The following LRP5 variants were observed in gnomAD, a reference collection of about 807,000 sequenced individuals.
The protein encoded by LRP5 is LDL receptor related protein 5, also known as low-density lipoprotein receptor-related protein 5.
In LRP5, 62 loss-of-function variants were observed where a neutral mutation model predicts 154.1. The ratio of observed to expected loss-of-function variants is 0.40; its 90% CI spans 0.33 to 0.50. The LOEUF (loss-of-function observed/expected upper bound fraction) is 0.50, where lower values mean the gene tolerates loss of function less well. LRP5 is among the 20% of genes least tolerant of loss of function. The pLI, the probability that LRP5 is intolerant of heterozygous loss-of-function variation, is 0.55. For missense variants in LRP5, 1,915 were observed against 2,336.7 expected (o/e 0.82, Z 3.72); for synonymous variants, 966 against 1,011.5 (o/e 0.96, Z 0.85).
intron 2 of LRP5, among the ~76,000 whole-genome samples, chr11:68,356,006 A>AT (rs965327967): frequency 4.2e-4 from 61 of 146,764 alleles, no homozygotes; most frequent in Middle Eastern, 3.5e-3. Flanking sequence ...TGCCCGGCTA[A>AT]TTTTTTTTTT....
chr11:68,387,373 C>A (rs554859267), intron 6 of LRP5, among the ~76,000 whole-genome samples: 2 of 152,140 alleles, frequency 1.3e-5, no homozygotes, highest in South Asian at 4.2e-4. Flanking sequence ...CCTCAGCCTC[C>A]CAAAGTGCTG....
rs576462333 is a variant in LRP5, at chr11:68,341,059, C to CTTTTTTTTTTTTTTTTTTTTTTTTT, written c.92-6769_92-6768insTTTTTTTTTTTTTTTTTTTTTTTTT. ...GTTACCCCTGCCGCTGGAGATTGTTCTTTTTTTTTTTTTTTTTTTGCTATT... is the reference window on the plus strand; with the variant it reads ...GTTACCCCTGCCGCTGGAGATTGTTCTTTTTTTTTTTTTTTTTTTTTTTTTTTTTTTTTTTTTTTTTTTTGCTATT... On this transcript the variant is annotated intron_variant, in intron 1 of 22. Coordinates refer to ENST00000294304, the MANE Select transcript of LRP5 (RefSeq NM_002335.4). Among the ~76,000 whole-genome samples the CTTTTTTTTTTTTTTTTTTTTTTTTT allele has an allele frequency of 9.6e-5, 8 of 83,476 alleles. 1 individual carries two copies. The highest frequency in any genetic ancestry group is 1.9e-4 in the African/African-American group (4 of 21,020). The allele number at this position is 83,476 out of a possible 152,430, so 54.8% of individuals were successfully genotyped here. A position where few individuals can be genotyped will look rare whatever the true frequency, so the allele number is the denominator to read the frequency against.
intron 1 of LRP5, among the ~76,000 whole-genome samples, chr11:68,330,442 T>C (rs1386230049): frequency 6.6e-6 from 1 of 152,184 alleles, no homozygotes; most frequent in Non-Finnish European, 1.5e-5. Flanking sequence ...AAGAGGCGAT[T>C]TGCTTCTGGT....
Position 68,433,853 on chromosome 11 carries a change from G to A in LRP5, c.4000+15G>A, listed in dbSNP as rs563578294. The stretch of plus-strand genomic sequence containing the variant: ...GGACTGTGACGGTGAGGCCCTCCCC[G>A]TCAAGGCTCTGCCAAGACCCTGGCC... On this transcript the variant is annotated intron_variant, in intron 18 of 22. Transcript: ENST00000294304. 160 of 1,608,058 alleles carry A rather than the reference G, an allele frequency of 9.9e-5. 1 individual carries two copies. The highest frequency in any genetic ancestry group is 4.6e-4 in the South Asian group (42 of 90,592).
rs2098589338 is a variant in LRP5 at position 68,312,771 on chromosome 11, G to A, written c.57G>A (p.Leu19=). The A allele has an allele frequency of 3.7e-6, 4 of 1,095,104 alleles. No homozygotes were observed. Among genetic ancestry groups the A allele is most frequent in the South Asian group, 2.6e-5 (1 of 38,668 alleles). 67.8% of individuals were successfully genotyped at this position (1,095,104 alleles called of 1,614,324 possible). ...CGCTGCTGCTGCTGCTGCTGCTGCT[G>A]CTGGCGCTGTGCGGCTGCCCGGCCC... ...PWPLLLLLLL[L]LALCGCPAPA... is the part of the protein sequence containing the mutation. The change falls in exon 1 of 23, where the codon CTG becomes CTA. Residue 19 remains leucine, a synonymous_variant. Coordinates refer to ENST00000294304, the MANE Select transcript of LRP5 (RefSeq NM_002335.4).
In LRP5 at chr11:68,348,168, A is replaced by G. The variant is rs371729974; in HGVS notation, c.413A>G (p.Asn138Ser). The stretch of plus-strand genomic sequence containing the variant: ...AACCGCATCGAGGTGGCCAACCTCA[A>G]TGGCACATCCCGGAAGGTGCTCTTC... ...ETNRIEVANLNGTSRKVLFWQ... is the reference protein window; with the variant it reads ...ETNRIEVANLSGTSRKVLFWQ... Residue 138 changes from asparagine (N) to serine (S), a missense_variant, in exon 2 of 23, where the codon AAT becomes AGT. Transcript: ENST00000294304. 6.8e-6 allele frequency: 11 copies of G among 1,613,668 alleles called. No homozygotes were observed. In the African/African-American group the frequency reaches 1.2e-4, roughly 18 times the overall value.
intron 1 of LRP5, among the ~76,000 whole-genome samples, chr11:68,321,278 C>T (rs2098596624): frequency 6.6e-6 from 1 of 152,170 alleles, no homozygotes. Flanking sequence ...GCTGCTGTCT[C>T]CATCTCTGAA....
chr11:68,416,335 C>T lies in LRP5; in HGVS notation c.2835C>T (p.Thr945=). The change falls in exon 13 of 23, where the codon ACC becomes ACT. Residue 945 remains threonine, a synonymous_variant. Coordinates refer to ENST00000294304, the MANE Select transcript of LRP5 (RefSeq NM_002335.4). The part of the protein sequence containing the change: ...DPSSRNCSPP[T]TFLLFSQKSA... ...TGTCTTTGCCTCCTCTAGCGCCCAC[C>T]ACCTTCTTGCTGTTCAGCCAGAAAT... The T allele has an allele frequency of 6.2e-7, 1 of 1,614,014 alleles. No homozygotes were observed. The highest frequency in any genetic ancestry group is 8.5e-7 in the Non-Finnish European group (1 of 1,179,998).
intron 15 of LRP5, 144 bp from the exon 16 acceptor site, chr11:68,425,834 C>T: frequency 2.7e-6 from 2 of 735,026 alleles, no homozygotes; most frequent in South Asian, 3.3e-5. Flanking sequence ...CTTCCAGGGA[C>T]TCTGCTGCAG....
chr11:68,435,219 A>C (rs886467647), intron 18 of LRP5, among the ~76,000 whole-genome samples: 3 of 152,244 alleles, frequency 2.0e-5, no homozygotes, highest in African/African-American at 7.2e-5. Context: ...ATCCTGGCCC[A>C]GCATGTGCTG....
chr11:68,357,643 G>A lies in LRP5; in HGVS notation c.489-7G>A, dbSNP rs560234502. The A allele has an allele frequency of 4.0e-5, 65 of 1,613,456 alleles. No individual in the cohort carries two copies. Among genetic ancestry groups the A allele is most frequent in the South Asian group, 1.1e-4 (10 of 90,888 alleles). ...TAGCTGCTTCTCTTGCCCTGCCCCC[G>A]TCACAGGTACATGTACTGGACAGAC... On this transcript the variant is annotated splice_polypyrimidine_tract_variant and splice_region_variant and intron_variant, in intron 2 of 22. Coordinates refer to ENST00000294304, the MANE Select transcript of LRP5 (RefSeq NM_002335.4).
intron 1 of LRP5, among the ~76,000 whole-genome samples, chr11:68,341,170 C>A (rs2098608912): frequency 6.6e-6 from 1 of 150,760 alleles, no homozygotes; most frequent in Non-Finnish European, 1.5e-5. Flanking sequence ...AGGGGTGATC[C>A]CTGGGGAGAG....
chr11:68,305,550 C>T, the LRP5 span, among the ~76,000 whole-genome samples: 6 of 152,174 alleles, frequency 3.9e-5, no homozygotes, highest in East Asian at 9.6e-4. Flanking sequence ...GCAAGTGATT[C>T]TCCTGCCTCA....
At chr11:68,379,193 T>C (rs11826287) in intron 5 of LRP5, among the ~76,000 whole-genome samples, 26,415 of 152,238 alleles carry the variant, frequency 0.17, 2,355 homozygotes, top group African/African-American at 0.2. Flanking sequence ...CAGAGTGTGC[T>C]GTTTTCCTGC....
intron 5 of LRP5, among the ~76,000 whole-genome samples, chr11:68,376,893 G>A (rs991486321): frequency 1.3e-5 from 2 of 152,216 alleles, no homozygotes; most frequent in African/African-American, 4.8e-5. Context: ...AGATGAGAGG[G>A]CTGCCCAGGC....
chr11:68,344,933 G>C (rs2098611656), intron 1 of LRP5, among the ~76,000 whole-genome samples: 1 of 131,514 alleles, frequency 7.6e-6, no homozygotes, highest in African/African-American at 3.0e-5. Flanking sequence ...CACGATCTCG[G>C]TTCACTGCAA....
chr11:68,325,573 C>G (rs1278169151), intron 1 of LRP5, among the ~76,000 whole-genome samples: 1 of 152,190 alleles, frequency 6.6e-6, no homozygotes, highest in Non-Finnish European at 1.5e-5. Flanking sequence ...GTTTCGGACA[C>G]CCGAGGTATT....
intron 20 of LRP5, among the ~76,000 whole-genome samples, chr11:68,438,939 A>C (rs996913769): frequency 2.0e-5 from 3 of 152,200 alleles, no homozygotes; most frequent in African/African-American, 7.2e-5. Flanking sequence ...CTTGACCTTC[A>C]TATTCTAGTA....
chr11:68,374,463 A>G (rs148790888), intron 5 of LRP5, among the ~76,000 whole-genome samples: 1 of 152,362 alleles, frequency 6.6e-6, no homozygotes, highest in East Asian at 1.9e-4. Context: ...AATAGCAAGA[A>G]AATCAGCTCA....
Sources: allele counts gnomAD v4.1 joint callset (sites outside exome capture counted in the v4.1 genomes callset), GRCh38; gene constraint gnomAD v4.1.1; transcripts MANE v1.5; gene names NCBI Gene and HGNC (gene_info 2026-07-23, HGNC 2026-07-21).